SGCZ: variants seen among roughly 807,000 people sequenced by gnomAD.
The protein encoded by SGCZ is zeta-sarcoglycan.
A neutral mutation model predicts 41.3 loss-of-function variants in SGCZ; 40 were observed. The observed-to-expected ratio is 0.97, with a 90% CI of 0.75 to 1.26. SGCZ has a LOEUF of 1.26. Ranked by LOEUF, SGCZ falls within the 50% of genes most tolerant of loss-of-function variation. SGCZ has a pLI of 0.00. For missense variants in SGCZ, 552 were observed against 369.8 expected (o/e 1.49, Z -4.04); for synonymous variants, 206 against 137.5 (o/e 1.50, Z -3.49).
intron 3 of SGCZ, among the ~76,000 whole-genome samples, chr8:14,250,608 T>C (rs1436790625): frequency 1.3e-5 from 2 of 152,190 alleles, no homozygotes. Context: ...TATATCTGCA[T>C]GGATCAGAAC....
chr8:14,491,921 T>A (rs558992056), intron 2 of SGCZ, among the ~76,000 whole-genome samples: 9 of 152,228 alleles, frequency 5.9e-5, no homozygotes, highest in African/African-American at 1.9e-4. Context: ...CATCACAGAA[T>A]AATAAATTGC....
At chr8:15,157,468 GA>G (rs144608986) in intron 1 of SGCZ, among the ~76,000 whole-genome samples, 8,005 of 151,158 alleles carry the variant, frequency 0.053, 540 homozygotes, top group African/African-American at 0.16. Flanking sequence ...TTTTTACAAA[GA>G]AAAAAATAAA....
At position 14,210,825 on chromosome 8, in the gene SGCZ, T is replaced by G. The variant is rs113935347; in HGVS notation, c.424+26767A>C. ...TTTGTGGTCACTATTTGCCAAAGAT[T>G]GTTCTTTACAGCAACCAGTTAGATA... On this transcript the variant is annotated intron_variant, in intron 4 of 7. Transcript: ENST00000382080. 5.9e-3 allele frequency among the ~76,000 whole-genome samples: 899 copies of G among 152,308 alleles called. 1 individual carries two copies. The highest frequency in any genetic ancestry group is 8.4e-3 in the Non-Finnish European group (569 of 68,026).
At chr8:14,846,806 A>G (rs1237294456) in intron 1 of SGCZ, among the ~76,000 whole-genome samples, 2 of 151,514 alleles carry the variant, frequency 1.3e-5, no homozygotes, top group Non-Finnish European at 2.9e-5. Flanking sequence ...GCAGTGGCTC[A>G]CTCCTGTAAT....
chr8:15,237,374 C>A (rs1802167649), intron 1 of SGCZ, among the ~76,000 whole-genome samples: 1 of 152,196 alleles, frequency 6.6e-6, no homozygotes, highest in South Asian at 2.1e-4. Context: ...GGGCGCCCAG[C>A]CCGGGAGTGC....
chr8:14,220,559 A>G (rs959650405), intron 4 of SGCZ, among the ~76,000 whole-genome samples: 1 of 151,940 alleles, frequency 6.6e-6, no homozygotes, highest in Admixed American at 6.6e-5. Context: ...TTTTCTGTGT[A>G]TGTGTTATAA....
chr8:15,166,532 G>A (rs909420733), intron 1 of SGCZ, among the ~76,000 whole-genome samples: 3 of 152,152 alleles, frequency 2.0e-5, no homozygotes, highest in South Asian at 4.1e-4. Context: ...ACAGGTGTGA[G>A]CCACCACGCC....
chr8:14,535,685 T>C (rs1803273156), intron 2 of SGCZ, among the ~76,000 whole-genome samples: 1 of 151,916 alleles, frequency 6.6e-6, no homozygotes, highest in African/African-American at 2.4e-5. Flanking sequence ...ATAAATATCA[T>C]CTTATTCTAT....
intron 3 of SGCZ, among the ~76,000 whole-genome samples, chr8:14,302,289 CTTGAA>C: frequency 6.6e-6 from 1 of 152,110 alleles, no homozygotes; most frequent in Non-Finnish European, 1.5e-5. Context: ...GAAATTTTCT[CTTGAA>C]TTGATTGAAC....
At chr8:14,693,562 G>C (rs186309174) in intron 1 of SGCZ, among the ~76,000 whole-genome samples, 307 of 145,260 alleles carry the variant, frequency 2.1e-3, no homozygotes, top group Middle Eastern at 7.9e-3. Context: ...GGGATTACAG[G>C]CGTCAGCTAC....
Position 14,585,278 on chromosome 8 carries a change from C to A in SGCZ, c.40-30352G>T, listed in dbSNP as rs148590503. Among the ~76,000 whole-genome samples, 1,132 of 152,146 alleles carry A rather than the reference C, an allele frequency of 7.4e-3. 15 individuals carry two copies. The highest frequency in any genetic ancestry group is 0.026 in the African/African-American group (1,076 of 41,526). On this transcript the variant is annotated intron_variant, in intron 1 of 7. Coordinates refer to ENST00000382080, the MANE Select transcript of SGCZ (RefSeq NM_139167.4). ...TAAAAACTTCAGACTGTTTTTGTTTCATATATTTGTACTATTCATCTTGAA... is the reference window on the plus strand; with the variant it reads ...TAAAAACTTCAGACTGTTTTTGTTTAATATATTTGTACTATTCATCTTGAA...
intron 2 of SGCZ, among the ~76,000 whole-genome samples, chr8:14,335,478 T>C (rs113721424): frequency 0.01 from 1,554 of 152,190 alleles, 27 homozygotes; most frequent in African/African-American, 0.036. Context: ...ATTTGGAAAA[T>C]ATGTAATATT....
intron 2 of SGCZ, among the ~76,000 whole-genome samples, chr8:14,398,973 G>T (rs988099237): frequency 6.6e-6 from 1 of 152,028 alleles, no homozygotes; most frequent in African/African-American, 2.4e-5. Context: ...AAGTGTAAAT[G>T]TTCCTTGAAA....
chr8:14,340,804 C>T (rs1802676750), intron 2 of SGCZ, among the ~76,000 whole-genome samples: 1 of 151,878 alleles, frequency 6.6e-6, no homozygotes, highest in Admixed American at 6.6e-5. Context: ...TAAAATTAAC[C>T]ATTTAAATAA....
intron 2 of SGCZ, among the ~76,000 whole-genome samples, chr8:14,515,810 T>G (rs974950385): frequency 6.6e-6 from 1 of 152,118 alleles, no homozygotes; most frequent in African/African-American, 2.4e-5. Flanking sequence ...ACATCATTTA[T>G]TGCATAAAGT....
intron 4 of SGCZ, among the ~76,000 whole-genome samples, chr8:14,236,007 A>G (rs533215708): frequency 1.3e-5 from 2 of 152,266 alleles, no homozygotes; most frequent in East Asian, 3.9e-4. Context: ...TGACATTTCT[A>G]CTAAGAACTT....
intron 3 of SGCZ, among the ~76,000 whole-genome samples, chr8:14,254,406 G>T (rs538481945): frequency 7.9e-5 from 12 of 152,354 alleles, no homozygotes; most frequent in African/African-American, 2.9e-4. Flanking sequence ...TGCTGGCACT[G>T]AGGCCTGCCT....
In SGCZ at chr8:14,561,503, T is replaced by C. The variant is rs143687479; in HGVS notation, c.40-6577A>G. Among the ~76,000 whole-genome samples the C allele has an allele frequency of 1.1e-4, 17 of 152,284 alleles. No homozygotes were observed. The East Asian group carries it at 2.1e-3, about 19-fold the overall frequency. Reference sequence around the variant, plus strand: ...ATTCAATGCCCTCAAAATCTGTTTGTTACAATTATCTTGGTTTTCTTGGCT... The same window carrying C: ...ATTCAATGCCCTCAAAATCTGTTTGCTACAATTATCTTGGTTTTCTTGGCT... On this transcript the variant is annotated intron_variant, in intron 1 of 7. Coordinates refer to ENST00000382080, the MANE Select transcript of SGCZ (RefSeq NM_139167.4).
At chr8:14,757,306 C>T (rs1227029915) in intron 1 of SGCZ, among the ~76,000 whole-genome samples, 2 of 152,228 alleles carry the variant, frequency 1.3e-5, no homozygotes, top group East Asian at 3.9e-4. Flanking sequence ...GCCTCAGCCT[C>T]CCAAAGCACT....
Sources: gnomAD v4.1 joint callset for allele counts (sites outside exome capture counted in the v4.1 genomes callset) on GRCh38, gnomAD v4.1.1 for gene constraint, MANE v1.5 for transcripts, NCBI Gene and HGNC (gene_info 2026-07-23, HGNC 2026-07-21) for gene names.